The following SRPX2 variants were observed in gnomAD, a reference collection of about 807,000 sequenced individuals.
The protein encoded by SRPX2 is sushi repeat containing protein X-linked 2.
Under a neutral mutation model 45.3 loss-of-function variants are expected in SRPX2, and 26 were observed. The ratio of observed to expected loss-of-function variants is 0.57; its 90% confidence interval spans 0.42 to 0.80. The LOEUF is 0.80. Among genes scored for constraint, SRPX2 ranks in the 30% least tolerant of loss-of-function variants. SRPX2 has a pLI of 0.00. For missense variants in SRPX2, 355 were observed against 399.8 expected, an observed-to-expected ratio of 0.89 and a Z score of 0.95; for synonymous variants, 125 against 143.7, an observed-to-expected ratio of 0.87 and a Z score of 0.93.
Position 100,673,871 on chromosome X carries a change from T to C in SRPX2, c.*2884T>C, listed in dbSNP as rs1478505305. ...TAAAAAGGGAAGATTTCCTACTTCA[T>C]AAAGTGGTTGGAGAAATTAAAGAAA... On this transcript the variant is annotated 3_prime_UTR_variant, in exon 11 of 11. Coordinates refer to ENST00000373004, the MANE Select transcript of SRPX2 (RefSeq NM_014467.3). 9.0e-6 allele frequency: 1 copy of C among 111,695 alleles called. No homozygotes were observed. The highest frequency in any genetic ancestry group is 1.9e-5 in the Non-Finnish European group (1 of 53,198). 9.2% of individuals were successfully genotyped at this position (111,695 alleles called of 1,213,427 possible).
At position 100,669,320 on chromosome X, in the gene SRPX2, G is replaced by A; in HGVS notation, c.1168G>A (p.Gly390Arg). ...ELVGQPPQEVGRIREQQLSAN... is the reference protein window; with the variant it reads ...ELVGQPPQEVRRIREQQLSAN... ...GGTGGGACAGCCACCTCAGGAGGTGGGGCGCATCCGGGAGCAACAGCTGTC... is the reference window on the plus strand; with the variant it reads ...GGTGGGACAGCCACCTCAGGAGGTGAGGCGCATCCGGGAGCAACAGCTGTC... Residue 390 changes from glycine (G) to arginine (R), a missense_variant, in exon 10 of 11, where the codon GGG (glycine) becomes AGG (arginine). Physicochemically the swap from Gly to Arg is moderately radical, Grantham distance 125. Transcript: ENST00000373004. 8.3e-7 allele frequency: 1 copy of A among 1,201,107 alleles called. No individual in the cohort carries two copies.
intron 3 of SRPX2, among the ~76,000 whole-genome samples, chrX:100,655,172 T>C (rs916135837): frequency 8.9e-6 from 1 of 112,468 alleles, no homozygotes; most frequent in African/African-American, 3.2e-5. Context: ...CACTGTGCTA[T>C]GTATTTTATA....
chrX:100,666,545 C>A (rs1795997148), intron 7 of SRPX2, among the ~76,000 whole-genome samples: 1 of 112,231 alleles, frequency 8.9e-6, no homozygotes, highest in African/African-American at 3.2e-5. Flanking sequence ...CCTGTGTTTC[C>A]AGACTTTACA....
chrX:100,665,066 C>T (rs1196887469), intron 5 of SRPX2, 116 bp downstream of exon 5: 7 of 1,061,060 alleles, frequency 6.6e-6, no homozygotes, highest in Non-Finnish European at 9.0e-6. Context: ...GAGGGTGGCA[C>T]CCTGGGTATT....
intron 3 of SRPX2, among the ~76,000 whole-genome samples, chrX:100,659,957 C>T (rs949755582): frequency 9.2e-6 from 1 of 109,286 alleles, no homozygotes; most frequent in African/African-American, 3.3e-5. Flanking sequence ...ACTCTGAACC[C>T]ACTAAAGAGT....
In SRPX2 at chrX:100,674,653, C is replaced by T. The variant is rs2083249282; in HGVS notation, c.*3666C>T. 1 of 111,879 alleles carries T rather than the reference C, an allele frequency of 8.9e-6. No individual in the cohort carries two copies. Among genetic ancestry groups the T allele is most frequent in the African/African-American group, 3.3e-5 (1 of 30,720 alleles). The allele number at this position is 111,879 out of a possible 1,213,427, so 9.2% of individuals were successfully genotyped here. A position where few individuals can be genotyped will look rare whatever the true frequency, so the allele number is the denominator to read the frequency against. ...CATTCCTCCATTCGGTTCATACATA[C>T]AGTAGAAACCACTGTGGCTGCCCTT... On this transcript the variant is annotated 3_prime_UTR_variant, in exon 11 of 11. Transcript: ENST00000373004.
intron 3 of SRPX2, among the ~76,000 whole-genome samples, chrX:100,655,541 A>T (rs2083165929): frequency 9.0e-6 from 1 of 111,604 alleles, no homozygotes; most frequent in African/African-American, 3.3e-5. Context: ...CCTATTTTAT[A>T]TCTGCAGTGG....
At chrX:100,648,774 G>A (rs892324892) in intron 2 of SRPX2, among the ~76,000 whole-genome samples, 19 of 111,879 alleles carry the variant, frequency 1.7e-4, no homozygotes, top group Non-Finnish European at 1.9e-5. Flanking sequence ...GGTGGCCTTC[G>A]ATCCCACACA....
chrX:100,651,916 T>C (rs1178390120), intron 3 of SRPX2, among the ~76,000 whole-genome samples: 1 of 111,697 alleles, frequency 9.0e-6, no homozygotes, highest in Non-Finnish European at 1.9e-5. Flanking sequence ...AGTGAGTAAT[T>C]CCTGCATTAA....
chrX:100,665,338 G>A lies in SRPX2; in HGVS notation c.628G>A (p.Val210Met). 1.7e-6 allele frequency: 2 copies of A among 1,210,543 alleles called. No homozygotes were observed. The highest frequency in any genetic ancestry group is 2.2e-6 in the Non-Finnish European group (2 of 894,852). Residue 210 changes from valine to methionine, a missense_variant, in exon 6 of 11, where the codon GTG becomes ATG. Coordinates refer to ENST00000373004, the MANE Select transcript of SRPX2 (RefSeq NM_014467.3). ...TCGAGTATACTGGGACCCACCGTTG[G>A]TGAAAGATTCTGCTGATGGTACCAT... ...TARVYWDPPL[V>M]KDSADGTITR... is the part of the protein sequence containing the mutation.
rs1035841141 is a variant in SRPX2, at chrX:100,650,815, A to G, written c.113A>G (p.Asn38Ser). ...GSGYYPDESY[N>S]EVYAEEVPQA... ...GGCTACTATCCGGATGAAAGCTACA[A>G]TGAAGTATATGCAGAGGAGGTCCCA... Residue 38 changes from asparagine to serine, a missense_variant, in exon 3 of 11, where the codon AAT becomes AGT. Physicochemically the swap from Asn to Ser is conservative, Grantham distance 46. Transcript: ENST00000373004. The G allele has an allele frequency of 2.5e-6, 3 of 1,209,220 alleles. No homozygotes were observed. Among genetic ancestry groups the G allele is most frequent in the African/African-American group, 3.5e-5 (2 of 57,112 alleles).
chrX:100,665,560 T>C lies in SRPX2; in HGVS notation c.684T>C (p.Pro228=), dbSNP rs1379830226. ...GGGTGACACTTCGGGGCCCTGAGCC[T>C]GGCTCTCACTTTCCCGAAGGAGAGC... ...ITRVTLRGPE[P]GSHFPEGEHV... The change falls in exon 7 of 11, where the codon CCT becomes CCC. Residue 228 remains proline (P), a synonymous_variant. Transcript: ENST00000373004. 8.3e-7 allele frequency: 1 copy of C among 1,210,462 alleles called. No individual in the cohort carries two copies. Among genetic ancestry groups the C allele is most frequent in the African/African-American group, 1.7e-5 (1 of 57,282 alleles).
In SRPX2 at chrX:100,667,348, A is replaced by G. The variant is rs2083208066; in HGVS notation, c.1036A>G (p.Ile346Val). 1 of 1,209,847 alleles carries G rather than the reference A, an allele frequency of 8.3e-7. No individual in the cohort carries two copies. Among genetic ancestry groups the G allele is most frequent in the Non-Finnish European group, 1.1e-6 (1 of 895,190 alleles). Residue 346 changes from isoleucine (I) to valine (V), a missense_variant, in exon 9 of 11, where the codon ATC (isoleucine) becomes GTC (valine). By Grantham distance (29) the Ile-to-Val change is conservative (BLOSUM62 3). Transcript: ENST00000373004. ...DQFYEKQRLLIISAPDPSNRY... is the reference protein window; with the variant it reads ...DQFYEKQRLLVISAPDPSNRY... The stretch of plus-strand genomic sequence containing the variant: ...ATTCTATGAGAAACAGCGACTCCTC[A>G]TCATCTCAGCTCCTGATCCTTCCAA...
At chrX:100,669,493 C>A in intron 10 of SRPX2, 124 bp downstream of exon 10, 1 of 668,290 alleles carries the variant, frequency 1.5e-6, no homozygotes, top group Non-Finnish European at 2.3e-6. Flanking sequence ...TCTTGCGGCA[C>A]TTCTTGCGTT....
Position 100,664,663 on chromosome X carries a change from G to A in SRPX2, c.356-111G>A, listed in dbSNP as rs753064917. ...CAAAAATGTAAGGGCAGTTCAGGTAGGGTTTCTGTATTTTCTGCTCTTTCT... is the reference window on the plus strand; with the variant it reads ...CAAAAATGTAAGGGCAGTTCAGGTAAGGTTTCTGTATTTTCTGCTCTTTCT... On this transcript the variant is annotated intron_variant, in intron 4 of 10. Coordinates refer to ENST00000373004, the MANE Select transcript of SRPX2 (RefSeq NM_014467.3). The A allele has an allele frequency of 3.7e-5, 29 of 784,381 alleles. No individual in the cohort carries two copies. In the African/African-American group the frequency reaches 6.0e-4, roughly 16 times the overall value. 64.6% of individuals were successfully genotyped at this position (784,381 alleles called of 1,213,427 possible).
At chrX:100,647,977 G>A (rs1461075634) in intron 2 of SRPX2, among the ~76,000 whole-genome samples, 1 of 112,514 alleles carries the variant, frequency 8.9e-6, no homozygotes, top group Non-Finnish European at 1.9e-5. Context: ...TAGCTCAGCT[G>A]TTGGGCTTGC....
At position 100,654,960 on chromosome X, in the gene SRPX2, C is replaced by T. The variant is rs749186069; in HGVS notation, c.163+4095C>T. On this transcript the variant is annotated intron_variant, in intron 3 of 10. Coordinates refer to ENST00000373004, the MANE Select transcript of SRPX2 (RefSeq NM_014467.3). Reference sequence around the variant, plus strand: ...ATCCCTGAGCAAGCTAGTCACACTGCCTGGGTTATCTGAAGATAATAGAAG... The same window carrying T: ...ATCCCTGAGCAAGCTAGTCACACTGTCTGGGTTATCTGAAGATAATAGAAG... 3.6e-5 allele frequency among the ~76,000 whole-genome samples: 4 copies of T among 111,752 alleles called. No homozygotes were observed. In the East Asian group the frequency reaches 1.1e-3, roughly 31 times the overall value.
At position 100,671,353 on chromosome X, in the gene SRPX2, A is replaced by G. The variant is rs1461109357; in HGVS notation, c.*366A>G. On this transcript the variant is annotated 3_prime_UTR_variant, in exon 11 of 11. Transcript: ENST00000373004. The stretch of plus-strand genomic sequence containing the variant: ...TGAGGTGACAGCAGAGGGCAGCACG[A>G]GCACAACAGAAACCAGCTTACACTT... 4.1e-6 allele frequency: 1 copy of G among 246,681 alleles called. No homozygotes were observed. The highest frequency in any genetic ancestry group is 2.8e-5 in the African/African-American group (1 of 35,372). 20.3% of individuals were successfully genotyped at this position (246,681 alleles called of 1,213,427 possible).
rs192241917 is a variant in SRPX2 at position 100,646,379 on chromosome X, G to A, written c.57G>A (p.Pro19=). ...TCTTTCTGCTGTTCTTCCTAACTCCGGCAGTGACACCAACATGGTATGCAG... is the reference window on the plus strand; with the variant it reads ...TCTTTCTGCTGTTCTTCCTAACTCCAGCAGTGACACCAACATGGTATGCAG... The part of the protein sequence containing the change: ...GALFLLFFLT[P]AVTPTWYAGS... The change falls in exon 2 of 11, where the codon CCG becomes CCA. Residue 19 remains proline (P), a synonymous_variant. Transcript: ENST00000373004. 48 of 1,209,143 alleles carry A rather than the reference G, an allele frequency of 4.0e-5. No individual in the cohort carries two copies. Among genetic ancestry groups the A allele is most frequent in the Admixed American group, 1.1e-4 (5 of 45,784 alleles).
Sources: gnomAD v4.1 joint callset for allele counts (sites outside exome capture counted in the v4.1 genomes callset) on GRCh38, gnomAD v4.1.1 for gene constraint, MANE v1.5 for transcripts, NCBI Gene and HGNC (gene_info 2026-07-23, HGNC 2026-07-21) for gene names.